FAM120A: variants seen among roughly 807,000 people sequenced by gnomAD.
FAM120A encodes the protein constitutive coactivator of PPAR-gamma-like protein 1.
A neutral mutation model predicts 109.7 loss-of-function variants in FAM120A; 15 were observed. That is an observed-to-expected ratio of 0.14 (90% CI 0.09 to 0.21). FAM120A has a LOEUF of 0.21. Ranked by LOEUF, FAM120A falls within the 10% of genes least tolerant of loss-of-function variation. The pLI, the probability that FAM120A is intolerant of heterozygous loss-of-function variation, is 1.00. For missense variants in FAM120A, 899 were observed against 1,439.3 expected (o/e 0.62, Z 6.07); for synonymous variants, 493 against 572.8 (o/e 0.86, Z 1.99).
At chr9:93,478,725 C>T (rs1858659844) in intron 3 of FAM120A, among the ~76,000 whole-genome samples, 1 of 152,230 alleles carries the variant, frequency 6.6e-6, no homozygotes, top group African/African-American at 2.4e-5. Context: ...ATCCACCCAC[C>T]TTGGCCTCCC....
chr9:93,550,622 G>T lies in FAM120A; in HGVS notation c.2205G>T (p.Glu735Asp), dbSNP rs1396502552. ...WPGARILRRQ[E>D]LDAFLAQALS... ...GAGCACGCATCCTTCGGCGTCAGGA[G>T]CTAGATGCCTTCCTGGCTCAGGCGC... The change falls in exon 12 of 18, where the codon GAG (glutamate) becomes GAT (aspartate). Residue 735 changes from glutamate (E) to aspartate (D), a missense_variant. By Grantham distance (45) the Glu-to-Asp change is conservative. Around this residue, in one of 11 missense-constraint regions of FAM120A, gnomAD observed 52 missense variants for 49.7 expected, o/e 1.05. Coordinates refer to ENST00000277165, the MANE Select transcript of FAM120A (RefSeq NM_014612.5). The T allele has an allele frequency of 1.2e-6, 2 of 1,613,986 alleles. No homozygotes were observed. Among genetic ancestry groups the T allele is most frequent in the Admixed American group, 1.7e-5 (1 of 60,028 alleles).
chr9:93,561,044 A>G, intron 15 of FAM120A, 65 bp from the exon 16 acceptor site: 2 of 1,552,026 alleles, frequency 1.3e-6, no homozygotes, highest in East Asian at 2.2e-5. Flanking sequence ...TCTTGCTTGT[A>G]TCTTTTTGCT....
intron 5 of FAM120A, among the ~76,000 whole-genome samples, chr9:93,502,193 T>C (rs1032436582): frequency 2.6e-5 from 4 of 152,194 alleles, no homozygotes; most frequent in Non-Finnish European, 4.4e-5. Context: ...ATTTATCTTA[T>C]TAATCATTCA....
chr9:93,467,125 A>C (rs1858060455), intron 1 of FAM120A, among the ~76,000 whole-genome samples: 1 of 151,946 alleles, frequency 6.6e-6, no homozygotes, highest in Non-Finnish European at 1.5e-5. Flanking sequence ...ATTCTGTGTG[A>C]TGTACAATTG....
intron 3 of FAM120A, among the ~76,000 whole-genome samples, chr9:93,489,644 C>G (rs1177188111): frequency 6.6e-6 from 1 of 152,176 alleles, no homozygotes; most frequent in African/African-American, 2.4e-5. Context: ...TCACACTTAG[C>G]ATTATTTGTG....
Position 93,452,519 on chromosome 9 carries a change from G to A in FAM120A, c.474+130G>A. The A allele has an allele frequency of 6.4e-7, 1 of 1,554,002 alleles. No homozygotes were observed. Among genetic ancestry groups the A allele is most frequent in the Non-Finnish European group, 8.7e-7 (1 of 1,155,254 alleles). On this transcript the variant is annotated intron_variant, in intron 1 of 17. Coordinates refer to ENST00000277165, the MANE Select transcript of FAM120A (RefSeq NM_014612.5). This position sits in a 1 kb window ranked among gnomAD's most constrained non-coding sequence, Gnocchi z 7.0. ...GCGAGTTCCCCCAGCCCTTGCCCGG[G>A]ATAGCCTGGCCGGGCCGGGCTGCAA...
At chr9:93,464,450 A>G (rs1176588616) in intron 1 of FAM120A, among the ~76,000 whole-genome samples, 3 of 152,102 alleles carry the variant, frequency 2.0e-5, no homozygotes, top group Non-Finnish European at 4.4e-5. Flanking sequence ...CACCTACCAT[A>G]TTTCTTGGGG....
At chr9:93,555,813 T>C (rs1862265997) in intron 12 of FAM120A, among the ~76,000 whole-genome samples, 1 of 152,246 alleles carries the variant, frequency 6.6e-6, no homozygotes, top group South Asian at 2.1e-4. Context: ...CAAAAGACAT[T>C]TTGACAGTCT....
chr9:93,482,783 A>G (rs892389868), intron 3 of FAM120A, among the ~76,000 whole-genome samples: 2 of 152,040 alleles, frequency 1.3e-5, no homozygotes, highest in African/African-American at 2.4e-5. Flanking sequence ...ACAAAGAGGA[A>G]CTGAACAGTC....
rs984441037 is a variant in FAM120A at position 93,557,109 on chromosome 9, A to ATTTG, written c.2484+530_2484+533dup. On this transcript the variant is annotated intron_variant, in intron 13 of 17. Coordinates refer to ENST00000277165, the MANE Select transcript of FAM120A (RefSeq NM_014612.5). ...CAGCACTACACTTGGAGACCATTTT[A>ATTTG]TTTGTTTGTTTGTTTTGGTTTTTTT... 3.3e-5 allele frequency among the ~76,000 whole-genome samples: 4 copies of ATTTG among 121,136 alleles called. No homozygotes were observed. The East Asian group carries it at 9.3e-4, about 28-fold the overall frequency. 79.5% of individuals were successfully genotyped at this position (121,136 alleles called of 152,430 possible). A position where few individuals can be genotyped will look rare whatever the true frequency, so the allele number is the denominator to read the frequency against.
At position 93,566,067 on chromosome 9, in the gene FAM120A, T is replaced by C. The variant is rs1268648023; in HGVS notation, c.*1527T>C. The C allele has an allele frequency of 6.5e-6, 1 of 152,698 alleles. No individual in the cohort carries two copies. Among genetic ancestry groups the C allele is most frequent in the Non-Finnish European group, 1.5e-5 (1 of 68,050 alleles). 9.5% of individuals were successfully genotyped at this position (152,698 alleles called of 1,614,324 possible). The stretch of plus-strand genomic sequence containing the variant: ...TGTGGTGTATCTGAAGGCTATTGAA[T>C]GCAACTTACAATGCTTAATAAAAAT... On this transcript the variant is annotated 3_prime_UTR_variant, in exon 18 of 18. Transcript: ENST00000277165.
chr9:93,492,341 A>G (rs1354857661), intron 3 of FAM120A, among the ~76,000 whole-genome samples: 1 of 152,222 alleles, frequency 6.6e-6, no homozygotes, highest in African/African-American at 2.4e-5. Flanking sequence ...ATTTTTAAAT[A>G]AAGATATATT....
intron 5 of FAM120A, among the ~76,000 whole-genome samples, chr9:93,509,304 C>T (rs1471868303): frequency 6.6e-6 from 1 of 152,228 alleles, no homozygotes; most frequent in Non-Finnish European, 1.5e-5. Flanking sequence ...TGCCTGGGGC[C>T]TCCTGCAGAG....
At chr9:93,514,387 A>G (rs778767653) in intron 5 of FAM120A, among the ~76,000 whole-genome samples, 1 of 152,238 alleles carries the variant, frequency 6.6e-6, no homozygotes, top group Non-Finnish European at 1.5e-5. Flanking sequence ...AAGAGGTTGT[A>G]GAAGCATATC....
chr9:93,516,116 C>T lies in FAM120A; in HGVS notation c.1265C>T (p.Pro422Leu), dbSNP rs1315375744. Reference sequence around the variant, plus strand: ...GAGCAGAACAGCTACAGCAACATTCCTCACGAAGGGAAGCACACGCCGCTG... The same window carrying T: ...GAGCAGAACAGCTACAGCAACATTCTTCACGAAGGGAAGCACACGCCGCTG... The part of the protein sequence containing the change: ...LTEQNSYSNI[P>L]HEGKHTPLYE... The change falls in exon 7 of 18, where the codon CCT (proline) becomes CTT (leucine). Residue 422 changes from proline (P) to leucine (L), a missense_variant. Pro to Leu is a moderately conservative substitution (Grantham distance 98). Coordinates refer to ENST00000277165, the MANE Select transcript of FAM120A (RefSeq NM_014612.5). 9.3e-6 allele frequency: 15 copies of T among 1,613,804 alleles called. No individual in the cohort carries two copies. Among genetic ancestry groups the T allele is most frequent in the Non-Finnish European group, 1.3e-5 (15 of 1,179,840 alleles).
intron 7 of FAM120A, among the ~76,000 whole-genome samples, chr9:93,525,067 A>G (rs1359234291): frequency 6.6e-6 from 1 of 152,088 alleles, no homozygotes; most frequent in Non-Finnish European, 1.5e-5. Context: ...GTAAAGTAAT[A>G]TATTTGTCCT....
chr9:93,540,331 C>A (rs1056497363), intron 10 of FAM120A, among the ~76,000 whole-genome samples: 1 of 152,218 alleles, frequency 6.6e-6, no homozygotes, highest in Non-Finnish European at 1.5e-5. Context: ...CTGGAGCAAG[C>A]CTTTGTGTCA....
chr9:93,541,954 G>A (rs569467520), intron 10 of FAM120A, among the ~76,000 whole-genome samples: 1 of 152,214 alleles, frequency 6.6e-6, no homozygotes, highest in African/African-American at 2.4e-5. Context: ...AGAGATTATT[G>A]TATTGCCTGA....
chr9:93,492,644 A>G (rs746985169), intron 3 of FAM120A, among the ~76,000 whole-genome samples: 3 of 149,856 alleles, frequency 2.0e-5, no homozygotes, highest in Non-Finnish European at 4.4e-5. Flanking sequence ...TTCTCTGCAC[A>G]GGCTCAGAGC....
Sources: allele counts gnomAD v4.1 joint callset (sites outside exome capture counted in the v4.1 genomes callset), GRCh38; gene constraint gnomAD v4.1.1; regional missense constraint gnomAD v4.1.1; non-coding constraint Gnocchi (gnomAD v3.1); transcripts MANE v1.5; gene names NCBI Gene and HGNC (gene_info 2026-07-23, HGNC 2026-07-21).